INO80D: variants seen among roughly 807,000 people sequenced by gnomAD.
The protein encoded by INO80D is INO80 complex subunit D.
Under a neutral mutation model 87.6 loss-of-function variants are expected in INO80D, and 21 were observed. The observed-to-expected ratio is 0.24, with a 90% confidence interval of 0.17 to 0.35. The LOEUF (loss-of-function observed/expected upper bound fraction) is 0.35. Ranked by LOEUF, INO80D falls within the 10% of genes least tolerant of loss-of-function variation. INO80D has a pLI of 1.00. For synonymous variants in INO80D, 440 were observed against 491.0 expected (o/e 0.90, Z 1.37); for missense variants, 982 against 1,280.7 (o/e 0.77, Z 3.56).
intron 6 of INO80D, chr2:206,025,542 A>AAATATATAT (rs71301548): frequency 2.3e-4 from 18 of 76,940 alleles, no homozygotes; most frequent in East Asian, 1.7e-3. Context: ...AAAAAAAAAA[A>AAATATATAT]ATATATATAT....
intron 8 of INO80D, among the ~76,000 whole-genome samples, chr2:206,016,758 G>A (rs149511282): frequency 1.2e-3 from 175 of 152,148 alleles, no homozygotes; most frequent in African/African-American, 4.0e-3. Flanking sequence ...TGTTGTTCTT[G>A]TAATAGTGAA....
chr2:206,042,923 G>C (rs867821554), intron 5 of INO80D, among the ~76,000 whole-genome samples: 2 of 152,098 alleles, frequency 1.3e-5, no homozygotes, highest in Non-Finnish European at 2.9e-5. Context: ...AGTGAACTAT[G>C]ATCTCACCAC....
rs1232670041 is a variant in INO80D at position 205,998,525 on chromosome 2, G to A, written c.*5843C>T. On this transcript the variant is annotated 3_prime_UTR_variant, in exon 11 of 11. Transcript: ENST00000403263. ...ATAGGCAACATAATTCATTACACTC[G>A]ATACAGCTTTAGTATAAAACTTATA... 1 of 149,052 alleles carries A rather than the reference G, an allele frequency of 6.7e-6. No homozygotes were observed. Among genetic ancestry groups the A allele is most frequent in the East Asian group, 2.0e-4 (1 of 5,076 alleles). 9.2% of individuals were successfully genotyped at this position (149,052 alleles called of 1,614,324 possible). A position where few individuals can be genotyped will look rare whatever the true frequency, so the allele number is the denominator to read the frequency against.
intron 4 of INO80D, among the ~76,000 whole-genome samples, chr2:206,054,133 C>G (rs944939794): frequency 6.6e-6 from 1 of 152,014 alleles, no homozygotes; most frequent in African/African-American, 2.4e-5. Context: ...AGCCACCACA[C>G]CTGGCCTCAT....
At chr2:206,057,510 C>G (rs1021288779) in intron 3 of INO80D, among the ~76,000 whole-genome samples, 2 of 152,020 alleles carry the variant, frequency 1.3e-5, no homozygotes, top group African/African-American at 4.8e-5. Flanking sequence ...TTTCAATAGC[C>G]AGATGTAAGT....
At chr2:206,046,180 T>C (rs1354320318) in intron 5 of INO80D, among the ~76,000 whole-genome samples, 1 of 152,200 alleles carries the variant, frequency 6.6e-6, no homozygotes, top group Non-Finnish European at 1.5e-5. Context: ...AAACTAGATC[T>C]AATAACATAA....
At chr2:206,072,773 T>A (rs1293865760) in intron 1 of INO80D, among the ~76,000 whole-genome samples, 4 of 152,066 alleles carry the variant, frequency 2.6e-5, no homozygotes, top group African/African-American at 4.8e-5. Context: ...CCATAAAGCA[T>A]ACTTATTATA....
chr2:206,076,933 G>T (rs1050775893), intron 1 of INO80D, among the ~76,000 whole-genome samples: 1 of 152,114 alleles, frequency 6.6e-6, no homozygotes, highest in East Asian at 1.9e-4. Context: ...ATTAAATTAG[G>T]TATTTCATGA....
chr2:206,072,118 T>C (rs754255430), intron 1 of INO80D, among the ~76,000 whole-genome samples: 27 of 152,128 alleles, frequency 1.8e-4, no homozygotes, highest in Non-Finnish European at 1.3e-4. Flanking sequence ...ACTGGTTTTG[T>C]CCTCGGGGTG....
At chr2:206,058,747 A>G (rs529067311) in intron 3 of INO80D, among the ~76,000 whole-genome samples, 1 of 150,794 alleles carries the variant, frequency 6.6e-6, no homozygotes, top group South Asian at 2.1e-4. Context: ...AACAAACAAC[A>G]AAAAAAAACA....
At chr2:206,009,150 A>G (rs971203723) in intron 9 of INO80D, among the ~76,000 whole-genome samples, 1 of 152,190 alleles carries the variant, frequency 6.6e-6, no homozygotes, top group Non-Finnish European at 1.5e-5. Flanking sequence ...TCTCTACTAA[A>G]AATACAAAAA....
At chr2:206,045,220 A>T (rs1355746896) in intron 5 of INO80D, among the ~76,000 whole-genome samples, 1 of 152,152 alleles carries the variant, frequency 6.6e-6, no homozygotes, top group Admixed American at 6.5e-5. Flanking sequence ...TTGTTTAGTG[A>T]CCATTTGTAC....
At chr2:206,035,905 A>C (rs557889786) in intron 5 of INO80D, among the ~76,000 whole-genome samples, 1 of 152,312 alleles carries the variant, frequency 6.6e-6, no homozygotes, top group African/African-American at 2.4e-5. Context: ...ATCCCAATAA[A>C]AAGTGGGCTA....
chr2:206,073,247 AAAG>A (rs1575886436), intron 1 of INO80D, among the ~76,000 whole-genome samples: 2 of 152,298 alleles, frequency 1.3e-5, no homozygotes, highest in Admixed American at 6.5e-5. Context: ...CTTTTTAAAT[AAAG>A]AAGAAGTTAT....
intron 1 of INO80D, among the ~76,000 whole-genome samples, chr2:206,076,584 CATT>C (rs1690122296): frequency 6.6e-6 from 1 of 152,154 alleles, no homozygotes; most frequent in African/African-American, 2.4e-5. Flanking sequence ...AAACAACATT[CATT>C]ATAATCAAGT....
chr2:206,083,239 T>C (rs773096996), intron 1 of INO80D, among the ~76,000 whole-genome samples: 13 of 152,232 alleles, frequency 8.5e-5, no homozygotes, highest in Non-Finnish European at 1.9e-4. Context: ...TTTTTTGGTA[T>C]TTGTACACAT....
intron 5 of INO80D, among the ~76,000 whole-genome samples, chr2:206,039,700 C>T (rs369949877): frequency 6.6e-6 from 1 of 150,488 alleles, no homozygotes; most frequent in African/African-American, 2.4e-5. Flanking sequence ...ATCCCAGCTA[C>T]TCGGGAGGCT....
intron 8 of INO80D, among the ~76,000 whole-genome samples, chr2:206,011,116 T>C (rs1688163634): frequency 6.6e-6 from 1 of 150,864 alleles, no homozygotes; most frequent in African/African-American, 2.4e-5. Flanking sequence ...TCAGACTCTG[T>C]AGTTCTTTTT....
rs1575783447 is a variant in INO80D at position 205,999,883 on chromosome 2, T to C, written c.*4485A>G. The C allele has an allele frequency of 1.3e-5, 2 of 152,196 alleles. No homozygotes were observed. The highest frequency in any genetic ancestry group is 4.8e-5 in the African/African-American group (2 of 41,456). The allele number at this position is 152,196 out of a possible 1,614,324, so 9.4% of individuals were successfully genotyped here. ...ATGTTAAGACATTATTAAACTGTTT[T>C]AACTTTTCTACAGAATGCCAGTGAA... On this transcript the variant is annotated 3_prime_UTR_variant, in exon 11 of 11. Transcript: ENST00000403263.
Sources: allele counts gnomAD v4.1 joint callset (sites outside exome capture counted in the v4.1 genomes callset), GRCh38; gene constraint gnomAD v4.1.1; transcripts MANE v1.5; gene names NCBI Gene and HGNC (gene_info 2026-07-23, HGNC 2026-07-21).